The following FAM120C variants were observed in gnomAD, a reference collection of about 807,000 sequenced individuals.
The protein encoded by FAM120C is constitutive coactivator of PPAR-gamma-like protein 2.
Under a neutral mutation model 71.2 loss-of-function variants are expected in FAM120C, and 14 were observed. That is an observed-to-expected ratio of 0.20 (90% CI 0.13 to 0.31). FAM120C has a LOEUF of 0.31. FAM120C is among the 10% of genes least tolerant of loss of function. The pLI, the probability that FAM120C is intolerant of heterozygous loss-of-function variation, is 1.00. For synonymous variants in FAM120C, 354 were observed against 353.2 expected, an observed-to-expected ratio of 1.00 and a Z score of -0.03; for missense variants, 500 against 879.0, an observed-to-expected ratio of 0.57 and a Z score of 5.45.
At position 54,085,768 on chromosome X, in the gene FAM120C, C is replaced by G; in HGVS notation, c.2786G>C (p.Arg929Pro). Residue 929 changes from arginine (R) to proline (P), a missense_variant, in exon 13 of 16, where the codon CGA becomes CCA. Arg to Pro is a moderately radical substitution (Grantham distance 103). Transcript: ENST00000375180. ...PSLYPVSLYS[R>P]AMGSMPLPPQ... ...GGGAAGTGGCATGGAGCCCATAGCT[C>G]GGGAATAAAGTGAAACAGGGTAGAG... is the stretch of plus-strand genomic sequence containing the variant. 4 of 1,211,165 alleles carry G rather than the reference C, an allele frequency of 3.3e-6. No homozygotes were observed. The highest frequency in any genetic ancestry group is 4.5e-6 in the Non-Finnish European group (4 of 895,418).
intron 1 of FAM120C, 115 bp from the exon 2 acceptor site, chrX:54,159,731 G>A: frequency 1.5e-6 from 1 of 663,942 alleles, no homozygotes; most frequent in Non-Finnish European, 2.2e-6. Flanking sequence ...TTGTACGTGA[G>A]AGAACAGAAC....
chrX:54,133,027 T>TC (rs1557129679), intron 8 of FAM120C, among the ~76,000 whole-genome samples, 164 bp from the exon 9 acceptor site: 14 of 112,798 alleles, frequency 1.2e-4, no homozygotes, highest in Non-Finnish European at 2.2e-4. Flanking sequence ...CTTAGCTGAT[T>TC]GCAGCCTACT....
chrX:54,088,764 C>T (rs187726929), intron 11 of FAM120C, among the ~76,000 whole-genome samples: 267 of 110,304 alleles, frequency 2.4e-3, no homozygotes, highest in African/African-American at 8.5e-3. Flanking sequence ...AAATTCTTTT[C>T]TTGGCCAGGC....
intron 12 of FAM120C, among the ~76,000 whole-genome samples, chrX:54,087,473 T>C (rs1244500623): frequency 9.0e-6 from 1 of 110,944 alleles, no homozygotes. Context: ...GGAAGGTATA[T>C]AGTACATCTG....
At chrX:54,174,538 T>G (rs1270840489) in intron 1 of FAM120C, among the ~76,000 whole-genome samples, 1 of 112,239 alleles carries the variant, frequency 8.9e-6, no homozygotes, top group Non-Finnish European at 1.9e-5. Context: ...GGAAAGAGAC[T>G]TTTTTGCAAC....
intron 1 of FAM120C, among the ~76,000 whole-genome samples, chrX:54,168,539 C>G (rs1181550712): frequency 8.9e-6 from 1 of 112,374 alleles, no homozygotes; most frequent in East Asian, 2.8e-4. Context: ...ATATTAAAAA[C>G]CACCAGAAGT....
At chrX:54,117,290 C>A (rs2066972939) in intron 9 of FAM120C, among the ~76,000 whole-genome samples, 1 of 106,977 alleles carries the variant, frequency 9.3e-6, no homozygotes, top group Non-Finnish European at 1.9e-5. Context: ...GAGTTTGAGG[C>A]AGCAGTGAGC....
In FAM120C at chrX:54,157,016, T is replaced by C. The variant is rs1457579576; in HGVS notation, c.1029+673A>G. Reference sequence around the variant, plus strand: ...GCTGGCTGAGATCGTGCCACTGCATTCCAACCTGGACAACAGAGTGAGACT... The same window carrying C: ...GCTGGCTGAGATCGTGCCACTGCATCCCAACCTGGACAACAGAGTGAGACT... On this transcript the variant is annotated intron_variant, in intron 3 of 15. Transcript: ENST00000375180. 2.7e-5 allele frequency among the ~76,000 whole-genome samples: 3 copies of C among 109,617 alleles called. No homozygotes were observed. In the Admixed American group the frequency reaches 3.0e-4, roughly 11 times the overall value.
At position 54,073,074 on chromosome X, in the gene FAM120C, C is replaced by A. The variant is rs781812959; in HGVS notation, c.3250G>T (p.Glu1084Ter). ...MNNREKNHLQ[E>*]QKLETVAQRK... is the part of the protein sequence containing the mutation. ...TGTGCCACAGTTTCTAGCTTTTGCT[C>A]TTGTAAGTGGTTCTTCTCCCTATTA... Residue 1084 changes from glutamate to a stop codon, truncating the protein, a stop_gained, in exon 16 of 16, where the codon GAG (glutamate) becomes TAG (stop). Coordinates refer to ENST00000375180, the MANE Select transcript of FAM120C (RefSeq NM_017848.6). LOFTEE classifies it high-confidence loss of function. 8.3e-7 allele frequency: 1 copy of A among 1,210,165 alleles called. No individual in the cohort carries two copies. The highest frequency in any genetic ancestry group is 1.1e-6 in the Non-Finnish European group (1 of 894,540).
chrX:54,138,091 G>A (rs2067103147), intron 4 of FAM120C, among the ~76,000 whole-genome samples: 1 of 111,119 alleles, frequency 9.0e-6, no homozygotes, highest in Non-Finnish European at 1.9e-5. Context: ...AATAAATTGT[G>A]GTATATTCAT....
chrX:54,103,596 G>A (rs1428966137), intron 10 of FAM120C, among the ~76,000 whole-genome samples: 1 of 111,547 alleles, frequency 9.0e-6, no homozygotes, highest in East Asian at 2.8e-4. Context: ...TCATTGATTT[G>A]TGATGCTTTC....
At chrX:54,167,224 G>A (rs782140791) in intron 1 of FAM120C, among the ~76,000 whole-genome samples, 1 of 111,991 alleles carries the variant, frequency 8.9e-6, no homozygotes, top group South Asian at 3.7e-4. Context: ...TCCTGACAGG[G>A]CAAAGAGCCA....
At chrX:54,159,650 G>C (rs371517470) in intron 1 of FAM120C, 34 bp from the exon 2 acceptor site, 8 of 1,198,937 alleles carry the variant, frequency 6.7e-6, no homozygotes, top group Non-Finnish European at 7.9e-6. Flanking sequence ...TCATGCCACA[G>C]AACCTGATTT....
intron 15 of FAM120C, among the ~76,000 whole-genome samples, chrX:54,075,671 C>T (rs1024652681): frequency 4.6e-5 from 5 of 108,630 alleles, no homozygotes; most frequent in African/African-American, 1.7e-4. Flanking sequence ...TGGTAGCGGG[C>T]GCCTGTAATC....
intron 4 of FAM120C, among the ~76,000 whole-genome samples, chrX:54,145,129 C>G (rs1363953766): frequency 8.9e-6 from 1 of 112,124 alleles, no homozygotes. Flanking sequence ...AAAGCTGAAA[C>G]TGGATCCCTT....
intron 1 of FAM120C, among the ~76,000 whole-genome samples, chrX:54,166,669 C>T (rs1331296719): frequency 5.4e-5 from 6 of 111,502 alleles, no homozygotes; most frequent in Non-Finnish European, 9.4e-5. Flanking sequence ...GAACATTATG[C>T]ATAGTATGCT....
At chrX:54,159,223 C>T in intron 2 of FAM120C, 147 bp downstream of exon 2, 1 of 708,383 alleles carries the variant, frequency 1.4e-6, no homozygotes, top group African/African-American at 2.1e-5. Flanking sequence ...GCCCAAAAAC[C>T]ATGCTGAGTT....
intron 10 of FAM120C, among the ~76,000 whole-genome samples, chrX:54,113,869 TCGTGCCATTG>T (rs1199675646): frequency 9.0e-6 from 1 of 110,543 alleles, no homozygotes; most frequent in Non-Finnish European, 1.9e-5. Flanking sequence ...TGAGCCGAGA[TCGTGCCATTG>T]CACTCCAGCC....
chrX:54,143,980 T>A (rs1197532916), intron 4 of FAM120C, among the ~76,000 whole-genome samples: 1 of 111,210 alleles, frequency 9.0e-6, no homozygotes, highest in Non-Finnish European at 1.9e-5. Context: ...CAAGCTGGCT[T>A]CATCCCTGGG....
Sources: gnomAD v4.1 joint callset for allele counts (sites outside exome capture counted in the v4.1 genomes callset) on GRCh38, gnomAD v4.1.1 for gene constraint, MANE v1.5 for transcripts, NCBI Gene and HGNC (gene_info 2026-07-23, HGNC 2026-07-21) for gene names.